Variants in BOD1L1 observed in about 807,000 individuals in gnomAD.
The protein encoded by BOD1L1 is biorientation of chromosomes in cell division protein 1-like 1.
BOD1L1 carries 86 observed loss-of-function variants against 240.7 expected under a neutral mutation model. The ratio of observed to expected loss-of-function variants is 0.36; its 90% confidence interval spans 0.30 to 0.43. The LOEUF is 0.43. Ranked by LOEUF, BOD1L1 falls within the 20% of genes least tolerant of loss-of-function variation. The probability of loss-of-function intolerance (pLI) is 1.00; values close to 1 mark genes in which losing one functional copy is unlikely to be tolerated. For missense variants in BOD1L1, 3,554 were observed against 3,643.5 expected, an observed-to-expected ratio of 0.98 and a Z score of 0.63; for synonymous variants, 1,268 against 1,272.3, an observed-to-expected ratio of 1.00 and a Z score of 0.07.
intron 1 of BOD1L1, chr4:13,624,705 C>T (rs1256069598): frequency 6.6e-6 from 1 of 152,172 alleles, no homozygotes; most frequent in Admixed American, 6.5e-5. Flanking sequence ...CTGTGGTCTT[C>T]TGGTGTAGCA....
At position 13,577,434 on chromosome 4, in the gene BOD1L1, G is replaced by C. The variant is rs766797970; in HGVS notation, c.8853C>G (p.Pro2951=). The C allele has an allele frequency of 3.1e-6, 5 of 1,613,718 alleles. No homozygotes were observed. The highest frequency in any genetic ancestry group is 4.2e-6 in the Non-Finnish European group (5 of 1,179,770). ...CATCTGATACAGTGAGAGAACGTTT[G>C]GGTTTTCTTCCTCTCCGACGCACAC... The part of the protein sequence containing the change: ...VTSVRRRGRK[P]KRSLTVSDDA... Residue 2951 remains proline, a synonymous_variant, in exon 24 of 26, where the codon CCC becomes CCG. Transcript: ENST00000040738.
At chr4:13,619,907 T>G (rs1716913012) in intron 2 of BOD1L1, 36 bp downstream of exon 2, 1 of 1,605,696 alleles carries the variant, frequency 6.2e-7, no homozygotes, top group Non-Finnish European at 8.5e-7. Context: ...GTTAGGACAT[T>G]TAAAACCTGC....
intron 17 of BOD1L1, among the ~76,000 whole-genome samples, chr4:13,585,597 T>C (rs1008273921): frequency 1.3e-5 from 2 of 151,960 alleles, no homozygotes; most frequent in Non-Finnish European, 2.9e-5. Flanking sequence ...AAAAAGGCAA[T>C]GGGTGAGGCC....
In BOD1L1 at chr4:13,580,999, T is replaced by G. The variant is rs377449427; in HGVS notation, c.8703+21A>C. On this transcript the variant is annotated intron_variant, in intron 21 of 25. Coordinates refer to ENST00000040738, the MANE Select transcript of BOD1L1 (RefSeq NM_148894.3). Reference sequence around the variant, plus strand: ...GGTTAAGAGCAAGTATTTGAAATTGTCATGTTTTGCAATTACTTACAGTGA... The same window carrying G: ...GGTTAAGAGCAAGTATTTGAAATTGGCATGTTTTGCAATTACTTACAGTGA... 4.5e-6 allele frequency: 7 copies of G among 1,565,238 alleles called. No individual in the cohort carries two copies. In the African/African-American group the frequency reaches 9.5e-5, roughly 21 times the overall value.
chr4:13,585,522 C>T (rs930260859), intron 17 of BOD1L1, among the ~76,000 whole-genome samples: 15 of 151,226 alleles, frequency 9.9e-5, no homozygotes, highest in Admixed American at 4.6e-4. Flanking sequence ...CAAGAGACGG[C>T]AGAACACAAA....
chr4:13,617,610 G>T (rs1716714838), intron 2 of BOD1L1, among the ~76,000 whole-genome samples: 1 of 152,172 alleles, frequency 6.6e-6, no homozygotes, highest in Admixed American at 6.5e-5. Flanking sequence ...TCGTTATTCA[G>T]TTACCTAGGA....
At chr4:13,597,242 G>A in intron 10 of BOD1L1, 74 bp from the exon 11 acceptor site, 3 of 1,150,628 alleles carry the variant, frequency 2.6e-6, no homozygotes, top group Non-Finnish European at 3.8e-6. Flanking sequence ...AAAAGTAATG[G>A]AATGTGGTTA....
rs1714920067 is a variant in BOD1L1 at position 13,599,545 on chromosome 4, C to G, written c.7355G>C (p.Ser2452Thr). Residue 2452 changes from serine to threonine, a missense_variant, in exon 10 of 26, where the codon AGC becomes ACC. Ser to Thr is a moderately conservative substitution (Grantham distance 58, BLOSUM62 1). Coordinates refer to ENST00000040738, the MANE Select transcript of BOD1L1 (RefSeq NM_148894.3). Reference sequence around the variant, plus strand: ...TTCTGCATTTATGAGGTGTAAAGTGCTCTCTTTCTGTCCTCTTCCTGCAAA... The same window carrying G: ...TTCTGCATTTATGAGGTGTAAAGTGGTCTCTTTCTGTCCTCTTCCTGCAAA... ...GPFAGRGQKESTLHLINAEEK... is the reference protein window; with the variant it reads ...GPFAGRGQKETTLHLINAEEK... 6.2e-7 allele frequency: 1 copy of G among 1,613,900 alleles called. No homozygotes were observed. Among genetic ancestry groups the G allele is most frequent in the South Asian group, 1.1e-5 (1 of 91,090 alleles).
chr4:13,603,798 CTTT>C lies in BOD1L1; in HGVS notation c.3099_3101del (p.Lys1035del). The C allele has an allele frequency of 6.2e-7, 1 of 1,613,278 alleles. No individual in the cohort carries two copies. Among genetic ancestry groups the C allele is most frequent in the Non-Finnish European group, 8.5e-7 (1 of 1,179,782 alleles). ...TGTCATCTGATTTATTTTCGTCCTTCTTTTTTATGTCTTTACTACTATGCTTTA... is the reference window on the plus strand; with the variant it reads ...TGTCATCTGATTTATTTTCGTCCTTCTTTATGTCTTTACTACTATGCTTTA... On this transcript the variant is annotated inframe_deletion, in exon 10 of 26. Transcript: ENST00000040738.
chr4:13,618,034 CA>C (rs1194090289), intron 2 of BOD1L1, among the ~76,000 whole-genome samples: 1 of 152,176 alleles, frequency 6.6e-6, no homozygotes, highest in Non-Finnish European at 1.5e-5. Context: ...GACACAGCCA[CA>C]AGAACCCCTG....
At chr4:13,578,010 TCTC>T (rs1712908656) in intron 22 of BOD1L1, 1 of 167,814 alleles carries the variant, frequency 6.0e-6, no homozygotes, top group African/African-American at 2.4e-5. Context: ...TTCAAGCAAT[TCTC>T]CTGCCTCAGC....
intron 10 of BOD1L1, 135 bp downstream of exon 10, chr4:13,598,808 TATG>T: frequency 1.1e-6 from 1 of 873,694 alleles, no homozygotes; most frequent in Admixed American, 3.0e-5. Context: ...TTTGCAACAT[TATG>T]ATATGAGAAA....
chr4:13,609,901 C>T (rs1716023005), intron 6 of BOD1L1, among the ~76,000 whole-genome samples: 2 of 152,160 alleles, frequency 1.3e-5, no homozygotes, highest in Admixed American at 1.3e-4. Context: ...GGACTCAGGA[C>T]TTGCAGGTCT....
chr4:13,590,009 T>C (rs1261102435), intron 14 of BOD1L1, among the ~76,000 whole-genome samples: 2 of 152,220 alleles, frequency 1.3e-5, no homozygotes, highest in African/African-American at 2.4e-5. Context: ...AAATGTGACA[T>C]CCTTGATATG....
Position 13,576,844 on chromosome 4 carries a change from G to A in BOD1L1, c.9032C>T (p.Ala3011Val), listed in dbSNP as rs1230700195. The A allele has an allele frequency of 3.7e-6, 6 of 1,613,580 alleles. No individual in the cohort carries two copies. The South Asian group carries it at 6.6e-5, about 18-fold the overall frequency. Residue 3011 changes from alanine to valine, a missense_variant, in exon 25 of 26, where the codon GCT becomes GTT. By Grantham distance (64) the Ala-to-Val change is moderately conservative. This residue lies in a region of BOD1L1 where 3,393 missense variants were observed against 3,427.1 expected (regional missense o/e 0.99). Coordinates refer to ENST00000040738, the MANE Select transcript of BOD1L1 (RefSeq NM_148894.3). ...TCTGTGCTGCCCCCATTACCTCTGAGCCTCTGATCTGGTGGTGGATCTTGT... is the reference window on the plus strand; with the variant it reads ...TCTGTGCTGCCCCCATTACCTCTGAACCTCTGATCTGGTGGTGGATCTTGT... ...ATTRSTTRSE[A>V]QRSKTQLSPS...
chr4:13,596,585 TA>T (rs5856197), intron 11 of BOD1L1, among the ~76,000 whole-genome samples: 3 of 146,994 alleles, frequency 2.0e-5, no homozygotes. Context: ...AAGCCATGCT[TA>T]AAAAAAAAAA....
rs752523620 is a variant in BOD1L1, at chr4:13,579,965, T to C, written c.8712A>G (p.Gln2904=). Reference sequence around the variant, plus strand: ...CTTTCAGTTTGCTGCTAGATGGAGATTGTTCTACCTATGTTTAAATAAACA... The same window carrying C: ...CTTTCAGTTTGCTGCTAGATGGAGACTGTTCTACCTATGTTTAAATAAACA... ...KTDTGIVTVE[Q]SPSSSKLKVM... Residue 2904 remains glutamine, a synonymous_variant, in exon 22 of 26, where the codon CAA becomes CAG. Transcript: ENST00000040738. The C allele has an allele frequency of 8.3e-6, 13 of 1,557,098 alleles. No homozygotes were observed. The highest frequency in any genetic ancestry group is 1.7e-4 in the Middle Eastern group (1 of 5,992).
rs1712495668 is a variant in BOD1L1, at chr4:13,574,137, A to C, written c.9038+2701T>G. ...AAAGTCGAACTAGAATCAAGAGTAG[A>C]AGCCACAGGGAGGCCGGCTTCTACT... On this transcript the variant is annotated intron_variant, in intron 25 of 25. Transcript: ENST00000040738. Among the ~76,000 whole-genome samples, 3 of 152,338 alleles carry C rather than the reference A, an allele frequency of 2.0e-5. No homozygotes were observed. In the South Asian group the frequency reaches 6.2e-4, roughly 32 times the overall value.
In BOD1L1 at chr4:13,600,754, G is replaced by T. The variant is rs1715069839; in HGVS notation, c.6146C>A (p.Thr2049Asn). 6.2e-7 allele frequency: 1 copy of T among 1,613,996 alleles called. No homozygotes were observed. The change falls in exon 10 of 26, where the codon ACT (threonine) becomes AAT (asparagine). Residue 2049 changes from threonine to asparagine, a missense_variant. By Grantham distance (65) the Thr-to-Asn change is moderately conservative. Around this residue, in one of 2 missense-constraint regions of BOD1L1, gnomAD observed 3,393 missense variants for 3,427.1 expected, o/e 0.99. Transcript: ENST00000040738. ...GTTGGTAATATCACCACTGGCTGTA[G>T]TTGCCATGAGACCATCACACTCTTC... ...ENEECDGLMA[T>N]TASGDITNQN... is the part of the protein sequence containing the mutation.
Sources: allele counts gnomAD v4.1 joint callset (sites outside exome capture counted in the v4.1 genomes callset), GRCh38; gene constraint gnomAD v4.1.1; regional missense constraint gnomAD v4.1.1; transcripts MANE v1.5; gene names NCBI Gene and HGNC (gene_info 2026-07-23, HGNC 2026-07-21).